SPOCK3: variants seen among roughly 807,000 people sequenced by gnomAD.
SPOCK3 encodes testican-3.
In SPOCK3, 30 loss-of-function variants were observed where a neutral mutation model predicts 56.6. The observed-to-expected ratio is 0.53, with a 90% CI of 0.40 to 0.72. The LOEUF (loss-of-function observed/expected upper bound fraction) is 0.72. Ranked by LOEUF, SPOCK3 falls within the 30% of genes least tolerant of loss-of-function variation. SPOCK3 has a pLI of 0.00. For synonymous variants in SPOCK3, 196 were observed against 183.3 expected, an observed-to-expected ratio of 1.07 and a Z score of -0.56; for missense variants, 527 against 530.0, an observed-to-expected ratio of 0.99 and a Z score of 0.06.
At chr4:167,105,687 A>T (rs1164249727) in intron 2 of SPOCK3, among the ~76,000 whole-genome samples, 2 of 151,820 alleles carry the variant, frequency 1.3e-5, no homozygotes, top group Non-Finnish European at 2.9e-5. Flanking sequence ...AAAGATATAG[A>T]ATGGCTGAAT....
chr4:167,062,249 A>C (rs1755681292), intron 3 of SPOCK3, among the ~76,000 whole-genome samples: 1 of 151,986 alleles, frequency 6.6e-6, no homozygotes, highest in African/African-American at 2.4e-5. Context: ...TCAGAAGCCC[A>C]AATCAGTCAT....
chr4:167,136,867 A>G (rs1336146904), intron 2 of SPOCK3, among the ~76,000 whole-genome samples: 4 of 152,020 alleles, frequency 2.6e-5, no homozygotes. Context: ...CATGAACCAT[A>G]TTAATGTTAG....
chr4:167,178,553 G>A (rs1033933209), intron 2 of SPOCK3, among the ~76,000 whole-genome samples: 13 of 152,138 alleles, frequency 8.5e-5, no homozygotes, highest in Admixed American at 4.6e-4. Flanking sequence ...ATTGGAATAC[G>A]TTTGTAATAT....
intron 2 of SPOCK3, among the ~76,000 whole-genome samples, chr4:167,155,476 G>T (rs942414483): frequency 2.0e-5 from 3 of 152,172 alleles, no homozygotes; most frequent in Admixed American, 2.0e-4. Flanking sequence ...ATATTCCCAA[G>T]TTAAAACTAA....
intron 3 of SPOCK3, among the ~76,000 whole-genome samples, chr4:167,041,747 G>A (rs1043641455): frequency 2.6e-5 from 4 of 152,120 alleles, no homozygotes; most frequent in Non-Finnish European, 5.9e-5. Context: ...ATAGATGGAA[G>A]TATTTTGAAT....
At chr4:166,992,705 T>C (rs1193356824) in intron 4 of SPOCK3, among the ~76,000 whole-genome samples, 1 of 140,356 alleles carries the variant, frequency 7.1e-6, no homozygotes, top group African/African-American at 2.5e-5. Context: ...AATACTTCTT[T>C]AAAAGTAACC....
chr4:166,802,834 A>C lies in SPOCK3; in HGVS notation c.590-10545T>G, dbSNP rs539678204. Among the ~76,000 whole-genome samples the C allele has an allele frequency of 3.5e-4, 54 of 152,166 alleles. No homozygotes were observed. In the South Asian group the frequency reaches 0.011, roughly 31 times the overall value. On this transcript the variant is annotated intron_variant, in intron 6 of 10. Coordinates refer to ENST00000357545, the MANE Select transcript of SPOCK3 (RefSeq NM_001040159.2). ...GTGTGTGTGTGTACAACTTACAACT[A>C]ATTGCCTGATTTTAGAGTAAAATGC...
intron 3 of SPOCK3, among the ~76,000 whole-genome samples, chr4:167,018,140 A>G (rs997257015): frequency 2.0e-5 from 3 of 152,120 alleles, no homozygotes; most frequent in Non-Finnish European, 4.4e-5. Flanking sequence ...AATGATCTTG[A>G]TTAATAGAGT....
chr4:166,936,302 TTTAA>T (rs1442878877), intron 4 of SPOCK3, among the ~76,000 whole-genome samples: 10 of 152,112 alleles, frequency 6.6e-5, no homozygotes, highest in East Asian at 5.8e-4. Context: ...CTGATTTTAA[TTTAA>T]TTAATCACAA....
chr4:166,834,920 C>T (rs921990045), intron 6 of SPOCK3, among the ~76,000 whole-genome samples: 2 of 151,964 alleles, frequency 1.3e-5, no homozygotes, highest in African/African-American at 4.8e-5. Flanking sequence ...ATAAACAAAT[C>T]TTTATTTTTT....
intron 4 of SPOCK3, among the ~76,000 whole-genome samples, chr4:166,953,652 A>G (rs1171969744): frequency 6.6e-6 from 1 of 152,230 alleles, no homozygotes; most frequent in Non-Finnish European, 1.5e-5. Flanking sequence ...TTATTGTGGC[A>G]CTATTCACAA....
intron 6 of SPOCK3, among the ~76,000 whole-genome samples, chr4:166,844,764 GTATC>G (rs1408816070): frequency 1.3e-5 from 2 of 151,898 alleles, no homozygotes; most frequent in Non-Finnish European, 2.9e-5. Flanking sequence ...ATCTATCTAT[GTATC>G]TATCTATCTA....
chr4:167,175,630 A>G (rs1414622292), intron 2 of SPOCK3, among the ~76,000 whole-genome samples: 1 of 152,098 alleles, frequency 6.6e-6, no homozygotes, highest in Non-Finnish European at 1.5e-5. Flanking sequence ...TGAACACAGA[A>G]ACATGCACAG....
chr4:167,005,501 C>T (rs1411233904), intron 3 of SPOCK3, among the ~76,000 whole-genome samples: 4 of 152,044 alleles, frequency 2.6e-5, no homozygotes, highest in African/African-American at 9.7e-5. Context: ...GTGTGAGCCA[C>T]CGCGCACAGA....
chr4:167,155,953 T>G (rs1308855451), intron 2 of SPOCK3, among the ~76,000 whole-genome samples: 1 of 152,086 alleles, frequency 6.6e-6, no homozygotes, highest in Non-Finnish European at 1.5e-5. Flanking sequence ...AAACTTCATG[T>G]TCAGCACATG....
At chr4:167,061,253 T>C (rs1449648915) in intron 3 of SPOCK3, among the ~76,000 whole-genome samples, 1 of 152,022 alleles carries the variant, frequency 6.6e-6, no homozygotes. Flanking sequence ...GATTCTATCA[T>C]AAAAATTCAT....
At chr4:167,016,556 T>C (rs1347870541) in intron 3 of SPOCK3, among the ~76,000 whole-genome samples, 1 of 151,978 alleles carries the variant, frequency 6.6e-6, no homozygotes, top group Non-Finnish European at 1.5e-5. Flanking sequence ...TTTTTTTTTT[T>C]TCTTTTAATT....
chr4:167,227,969 C>G (rs1736766340), intron 2 of SPOCK3, among the ~76,000 whole-genome samples: 1 of 152,104 alleles, frequency 6.6e-6, no homozygotes, highest in Non-Finnish European at 1.5e-5. Context: ...CAGAAAAGCA[C>G]ACTGTGTCCA....
At chr4:167,132,317 A>G (rs1007369884) in intron 2 of SPOCK3, among the ~76,000 whole-genome samples, 1 of 152,228 alleles carries the variant, frequency 6.6e-6, no homozygotes, top group Non-Finnish European at 1.5e-5. Context: ...ATTTCATATC[A>G]GAGACCAAGC....
Sources: allele counts gnomAD v4.1 joint callset (sites outside exome capture counted in the v4.1 genomes callset), GRCh38; gene constraint gnomAD v4.1.1; transcripts MANE v1.5; gene names NCBI Gene and HGNC (gene_info 2026-07-23, HGNC 2026-07-21).